Variants in KSR2 observed in about 807,000 individuals in gnomAD.
KSR2 encodes the protein kinase suppressor of ras 2.
A neutral mutation model predicts 107.8 loss-of-function variants in KSR2; 25 were observed. The observed-to-expected ratio is 0.23, with a 90% confidence interval of 0.17 to 0.32. KSR2 has a LOEUF of 0.32. Among genes scored for constraint, KSR2 ranks in the 10% least tolerant of loss-of-function variants. KSR2 has a pLI of 1.00. For missense variants in KSR2, 887 were observed against 1,268.9 expected (o/e 0.70, Z 4.57); for synonymous variants, 480 against 507.0 (o/e 0.95, Z 0.71).
At chr12:117,667,346 A>C (rs966205882) in intron 5 of KSR2, 128 bp downstream of exon 5, 2 of 877,574 alleles carry the variant, frequency 2.3e-6, no homozygotes, top group Non-Finnish European at 3.6e-6. Flanking sequence ...GAAGCTCTAC[A>C]GTGAGCATTT....
At chr12:117,878,627 T>C (rs1893941737) in intron 1 of KSR2, among the ~76,000 whole-genome samples, 1 of 152,068 alleles carries the variant, frequency 6.6e-6, no homozygotes, top group Non-Finnish European at 1.5e-5. Context: ...CAGAGAGACA[T>C]GCTGCTGGGG....
intron 4 of KSR2, among the ~76,000 whole-genome samples, chr12:117,731,416 T>G (rs1464536146): frequency 2.5e-5 from 3 of 121,948 alleles, no homozygotes; most frequent in Non-Finnish European, 5.1e-5. Context: ...GGGAGGGAGG[T>G]GGGGGGCAGC....
At chr12:117,794,958 C>A (rs1231206693) in intron 3 of KSR2, among the ~76,000 whole-genome samples, 1 of 152,206 alleles carries the variant, frequency 6.6e-6, no homozygotes, top group Non-Finnish European at 1.5e-5. Context: ...TATCAGAGAA[C>A]ACTGCTAATG....
At chr12:117,878,880 G>A (rs78619198) in intron 1 of KSR2, among the ~76,000 whole-genome samples, 2,324 of 152,170 alleles carry the variant, frequency 0.015, 42 homozygotes, top group African/African-American at 0.038. Context: ...AGCTATTTAC[G>A]GTCACGCTGG....
rs1461476050 is a variant in KSR2, at chr12:117,459,142, G to GA, written c.*8056dup. On this transcript the variant is annotated 3_prime_UTR_variant, in exon 20 of 20. Transcript: ENST00000339824. The stretch of plus-strand genomic sequence containing the variant: ...GTAGGATCATACACAGAGTCTTAGA[G>GA]ACAGAATCTTTCTTTCTGCATTTTC... 1 of 152,200 alleles carries GA rather than the reference G, an allele frequency of 6.6e-6. No homozygotes were observed. Among genetic ancestry groups the GA allele is most frequent in the Non-Finnish European group, 1.5e-5 (1 of 68,042 alleles). The allele number at this position is 152,200 out of a possible 1,614,324, so 9.4% of individuals were successfully genotyped here.
rs1329393143 is a variant in KSR2 at position 117,907,946 on chromosome 12, G to A, written c.181-47515C>T. On this transcript the variant is annotated intron_variant, in intron 1 of 19. Transcript: ENST00000339824. This position sits in a 1 kb window ranked among gnomAD's most constrained non-coding sequence, Gnocchi z 4.3. The stretch of plus-strand genomic sequence containing the variant: ...AACTAGAAGTCTCTACTGAGGGCTG[G>A]AAGATATTGGAAGATTCAGGTTGGG... Among the ~76,000 whole-genome samples, 1 of 152,240 alleles carries A rather than the reference G, an allele frequency of 6.6e-6. No individual in the cohort carries two copies.
At chr12:117,828,766 C>T (rs569141944) in intron 3 of KSR2, among the ~76,000 whole-genome samples, 3 of 152,298 alleles carry the variant, frequency 2.0e-5, no homozygotes, top group African/African-American at 7.2e-5. Context: ...CCCTCTGAAA[C>T]TTTCCGAGAC....
intron 1 of KSR2, among the ~76,000 whole-genome samples, chr12:117,885,691 G>A (rs1241578788): frequency 2.0e-5 from 3 of 151,450 alleles, no homozygotes; most frequent in South Asian, 2.1e-4. Context: ...CACAGGGGGC[G>A]GGGGGTAAGG....
At chr12:117,944,858 A>C (rs1019292478) in intron 1 of KSR2, among the ~76,000 whole-genome samples, 1 of 152,040 alleles carries the variant, frequency 6.6e-6, no homozygotes, top group Non-Finnish European at 1.5e-5. Context: ...ACCCTGTTTC[A>C]AAAAATAAAT....
intron 4 of KSR2, among the ~76,000 whole-genome samples, chr12:117,734,458 AATCTCACTAAC>A (rs1254028296): frequency 6.6e-6 from 1 of 152,070 alleles, no homozygotes; most frequent in Non-Finnish European, 1.5e-5. Context: ...AAGAGATGAA[AATCTCACTAAC>A]ATCTCACTAA....
At chr12:117,843,327 C>T (rs945646406) in intron 3 of KSR2, among the ~76,000 whole-genome samples, 1 of 152,164 alleles carries the variant, frequency 6.6e-6, no homozygotes, top group African/African-American at 2.4e-5. Context: ...CCAGTGGTTT[C>T]CCATTCTACT....
intron 5 of KSR2, among the ~76,000 whole-genome samples, chr12:117,664,965 A>G (rs1012154609): frequency 2.6e-5 from 4 of 151,976 alleles, no homozygotes; most frequent in Non-Finnish European, 4.4e-5. Context: ...CGTTTCCCAA[A>G]CGAACCTGCC....
intron 5 of KSR2, among the ~76,000 whole-genome samples, chr12:117,601,837 C>A (rs183279466): frequency 6.6e-6 from 1 of 152,222 alleles, no homozygotes; most frequent in African/African-American, 2.4e-5. Context: ...AAGAGCCTGC[C>A]AACCTTCCAG....
chr12:117,664,963 A>G (rs1424928603), intron 5 of KSR2, among the ~76,000 whole-genome samples: 3 of 152,026 alleles, frequency 2.0e-5, no homozygotes, highest in Non-Finnish European at 4.4e-5. Context: ...CTCGTTTCCC[A>G]AACGAACCTG....
intron 4 of KSR2, among the ~76,000 whole-genome samples, chr12:117,732,581 C>T (rs1249604680): frequency 6.6e-6 from 1 of 152,156 alleles, no homozygotes; most frequent in Non-Finnish European, 1.5e-5. Context: ...TGAGCCACAG[C>T]GCCTGGCCCT....
intron 1 of KSR2, among the ~76,000 whole-genome samples, chr12:117,860,779 C>T (rs1893264130): frequency 1.3e-5 from 2 of 152,122 alleles, no homozygotes; most frequent in South Asian, 4.1e-4. Context: ...AGTGCAATGG[C>T]GTGATCTCTG....
intron 5 of KSR2, among the ~76,000 whole-genome samples, chr12:117,622,901 TG>T (rs1479028534): frequency 6.6e-6 from 1 of 152,196 alleles, no homozygotes; most frequent in Non-Finnish European, 1.5e-5. Flanking sequence ...AATGCATTGT[TG>T]GGTCTGGGAG....
At chr12:117,498,105 A>G (rs969288037) in intron 14 of KSR2, among the ~76,000 whole-genome samples, 9 of 152,186 alleles carry the variant, frequency 5.9e-5, no homozygotes, top group African/African-American at 2.2e-4. Flanking sequence ...CCAGGGTCCT[A>G]CAGTGAGTAG....
intron 3 of KSR2, among the ~76,000 whole-genome samples, chr12:117,807,389 G>A (rs1434266413): frequency 6.6e-6 from 1 of 152,172 alleles, no homozygotes; most frequent in African/African-American, 2.4e-5. Context: ...CACTTTCGAA[G>A]GTTTCCATAA....
Sources: allele counts gnomAD v4.1 joint callset (sites outside exome capture counted in the v4.1 genomes callset), GRCh38; gene constraint gnomAD v4.1.1; non-coding constraint Gnocchi (gnomAD v3.1); transcripts MANE v1.5; gene names NCBI Gene and HGNC (gene_info 2026-07-23, HGNC 2026-07-21).